The following ACY1 variants were observed in gnomAD, a reference collection of about 807,000 sequenced individuals.
The protein encoded by ACY1 is aminoacylase 1.
Under a neutral mutation model 53.3 loss-of-function variants are expected in ACY1, and 38 were observed. That is an observed-to-expected ratio of 0.71 (90% CI 0.55 to 0.93). The LOEUF (loss-of-function observed/expected upper bound fraction) is 0.93, where lower values mean the gene tolerates loss of function less well. Among genes scored for constraint, ACY1 ranks in the 40% least tolerant of loss-of-function variants. The pLI, the probability that ACY1 is intolerant of heterozygous loss-of-function variation, is 0.00. For synonymous variants in ACY1, 177 were observed against 202.1 expected (o/e 0.88, Z 1.05); for missense variants, 484 against 540.9 (o/e 0.89, Z 1.04).
intron 5 of ACY1, 117 bp from the exon 6 acceptor site, chr3:51,986,138 C>T: frequency 8.5e-7 from 1 of 1,175,048 alleles, no homozygotes; most frequent in Non-Finnish European, 1.2e-6. Flanking sequence ...TCTGGAGTCC[C>T]TATCAGGGTG....
At chr3:51,984,555 CTG>C (rs1178739540) in intron 2 of ACY1, 2 of 346,504 alleles carry the variant, frequency 5.8e-6, no homozygotes, top group Non-Finnish European at 1.1e-5. Flanking sequence ...TGGCTCCTGC[CTG>C]TTATCCCAGC....
Position 51,986,662 on chromosome 3 carries a change from G to GT in ACY1, c.583+2dup, listed in dbSNP as rs1191349072. 2.5e-6 allele frequency: 4 copies of GT among 1,613,934 alleles called. No individual in the cohort carries two copies. The highest frequency in any genetic ancestry group is 3.4e-6 in the Non-Finnish European group (4 of 1,180,008). On this transcript the variant is annotated splice_donor_variant, in intron 8 of 14. Transcript: ENST00000636358. LOFTEE classifies it high-confidence loss of function. Reference sequence around the variant, plus strand: ...TTTTATAGTGAGCGGAGTCCCTGGTGTAAGTATGAGCTTGGAGGGAGGGCT... The same window carrying GT: ...TTTTATAGTGAGCGGAGTCCCTGGTGTTAAGTATGAGCTTGGAGGGAGGGCT...
At chr3:51,986,014 AG>A in intron 5 of ACY1, 68 bp downstream of exon 5, 1 of 1,465,972 alleles carries the variant, frequency 6.8e-7, no homozygotes, top group Non-Finnish European at 9.4e-7. Context: ...GCAGGACCTG[AG>A]GGGGTGATTG....
rs773804575 is a variant in ACY1 at position 51,985,239 on chromosome 3, C to T, written c.127C>T (p.Arg43Cys). ...AAVAFFEETARQLGLGCQKVE... is the reference protein window; with the variant it reads ...AAVAFFEETACQLGLGCQKVE... ...TGTGGCTTTCTTTGAGGAGACAGCC[C>T]GCCAGCTGGGCCTGGGCTGTCAGAA... The change falls in exon 3 of 15, where the codon CGC (arginine) becomes TGC (cysteine). Residue 43 changes from arginine to cysteine, a missense_variant. Physicochemically the swap from Arg to Cys is radical, Grantham distance 180. Transcript: ENST00000636358. The T allele has an allele frequency of 2.6e-5, 42 of 1,607,340 alleles. No homozygotes were observed. The highest frequency in any genetic ancestry group is 8.0e-5 in the African/African-American group (6 of 74,762).
At chr3:51,986,548 G>A in intron 7 of ACY1, 44 bp downstream of exon 7, 3 of 1,613,928 alleles carry the variant, frequency 1.9e-6, no homozygotes, top group Non-Finnish European at 2.5e-6. Context: ...CAGGGAGTAG[G>A]AGGCTGCTAG....
At chr3:51,987,790 G>T (rs1701127703) in intron 12 of ACY1, 166 bp downstream of exon 12, 2 of 730,678 alleles carry the variant, frequency 2.7e-6, no homozygotes, top group Admixed American at 5.2e-5. Context: ...CACTGTGGGT[G>T]CTGGGGAATG....
At chr3:51,985,327 T>G in intron 3 of ACY1, 34 bp from the exon 4 acceptor site, 1 of 1,613,976 alleles carries the variant, frequency 6.2e-7, no homozygotes, top group East Asian at 2.2e-5. Context: ...TTCCTCACCC[T>G]GCTCAGACCA....
chr3:51,985,326 C>T (rs1384120466), intron 3 of ACY1, 35 bp from the exon 4 acceptor site: 7 of 1,613,870 alleles, frequency 4.3e-6, no homozygotes, highest in South Asian at 1.1e-5. Flanking sequence ...CTTCCTCACC[C>T]TGCTCAGACC....
chr3:51,987,741 CAG>C, intron 12 of ACY1, 117 bp downstream of exon 12: 1 of 1,110,856 alleles, frequency 9.0e-7, no homozygotes, highest in Non-Finnish European at 1.3e-6. Flanking sequence ...TTATCTGTGA[CAG>C]ACACATTTTA....
rs772673103 is a variant in ACY1 at position 51,988,974 on chromosome 3, G to A, written c.1126G>A (p.Asp376Asn). 29 of 1,614,170 alleles carry A rather than the reference G, an allele frequency of 1.8e-5. No individual in the cohort carries two copies. The highest frequency in any genetic ancestry group is 8.9e-5 in the East Asian group (4 of 44,880). The part of the protein sequence containing the change: ...NRTPVLLHDH[D>N]ERLHEAVFLR... ...CACACCTGTGCTGCTGCACGACCAC[G>A]ATGAACGGCTGCATGAGGCTGTGTT... The change falls in exon 15 of 15, where the codon GAT (aspartate) becomes AAT (asparagine). Residue 376 changes from aspartate to asparagine, a missense_variant. By Grantham distance (23) the Asp-to-Asn change is conservative (BLOSUM62 1). Coordinates refer to ENST00000636358, the MANE Select transcript of ACY1 (RefSeq NM_000666.3).
chr3:51,988,534 A>G lies in ACY1; in HGVS notation c.932A>G (p.His311Arg). ...CTTCCTGTCCCTCAGAAGTGGATGC[A>G]CCCCCAAGTGACACCTACTGATGAC... Reference protein sequence around the residue: ...VTLEFAQKWMHPQVTPTDDSN... With the variant: ...VTLEFAQKWMRPQVTPTDDSN... Residue 311 changes from histidine (H) to arginine (R), a missense_variant, in exon 13 of 15, where the codon CAC becomes CGC. His to Arg is a conservative substitution (Grantham distance 29, BLOSUM62 0). Coordinates refer to ENST00000636358, the MANE Select transcript of ACY1 (RefSeq NM_000666.3). 1.2e-6 allele frequency: 2 copies of G among 1,613,888 alleles called. No individual in the cohort carries two copies. Among genetic ancestry groups the G allele is most frequent in the Non-Finnish European group, 1.7e-6 (2 of 1,179,938 alleles).
chr3:51,988,642 C>CT, intron 13 of ACY1, 39 bp downstream of exon 13: 5 of 1,601,444 alleles, frequency 3.1e-6, no homozygotes, highest in Non-Finnish European at 4.3e-6. Context: ...GCCCAGCCCC[C>CT]TACTCCTCTC....
intron 6 of ACY1, 40 bp from the exon 7 acceptor site, chr3:51,986,375 G>T (rs775701284): frequency 6.2e-7 from 1 of 1,601,202 alleles, no homozygotes; most frequent in Admixed American, 1.7e-5. Flanking sequence ...AGGGTGGGGC[G>T]GGGCAGCCTC....
intron 8 of ACY1, 29 bp downstream of exon 8, chr3:51,986,690 C>T: frequency 1.2e-6 from 2 of 1,612,160 alleles, no homozygotes; most frequent in Non-Finnish European, 1.7e-6. Context: ...GGAGGGCTCA[C>T]TCTACAGGCG....
At position 51,985,836 on chromosome 3, in the gene ACY1, C is replaced by T. The variant is rs1701035458; in HGVS notation, c.265-16C>T. 6.2e-7 allele frequency: 1 copy of T among 1,610,452 alleles called. No homozygotes were observed. The highest frequency in any genetic ancestry group is 1.3e-5 in the African/African-American group (1 of 74,896). ...AAATTTGGGGTTTGGGCCCCTCTTCCCATCCCTGCCCCCAGGAACATTGGA... is the reference window on the plus strand; with the variant it reads ...AAATTTGGGGTTTGGGCCCCTCTTCTCATCCCTGCCCCCAGGAACATTGGA... On this transcript the variant is annotated splice_polypyrimidine_tract_variant and intron_variant, in intron 4 of 14. Transcript: ENST00000636358.
chr3:51,986,578 C>T (rs772330147), intron 7 of ACY1, 27 bp from the exon 8 acceptor site: 25 of 1,614,014 alleles, frequency 1.5e-5, no homozygotes, highest in African/African-American at 9.3e-5. Flanking sequence ...AGCTGCTCCA[C>T]CCTCTGAACC....
At chr3:51,988,459 CTA>C in intron 12 of ACY1, 63 bp from the exon 13 acceptor site, 1 of 1,477,854 alleles carries the variant, frequency 6.8e-7, no homozygotes, top group Non-Finnish European at 9.5e-7. Context: ...ACAGCCCACT[CTA>C]TGGGAAATAG....
intron 12 of ACY1, chr3:51,987,941 G>A (rs1252390548): frequency 8.6e-6 from 3 of 349,126 alleles, no homozygotes; most frequent in East Asian, 1.4e-4. Context: ...GCACAATCTC[G>A]GCTCACCTCC....
chr3:51,987,484 A>G, intron 11 of ACY1, 31 bp downstream of exon 11: 1 of 1,614,124 alleles, frequency 6.2e-7, no homozygotes, highest in Non-Finnish European at 8.5e-7. Flanking sequence ...TGGAGGAGGG[A>G]TCCTGGGTCC....
Sources: gnomAD v4.1 joint callset for allele counts on GRCh38, gnomAD v4.1.1 for gene constraint, MANE v1.5 for transcripts, NCBI Gene and HGNC (gene_info 2026-07-23, HGNC 2026-07-21) for gene names.